The following ARHGEF17 variants were observed in gnomAD, a reference collection of about 807,000 sequenced individuals.
ARHGEF17 encodes the protein Rho guanine nucleotide exchange factor 17.
In ARHGEF17, 80 loss-of-function variants were observed where a neutral mutation model predicts 174.0. The observed-to-expected ratio is 0.46, with a 90% confidence interval of 0.38 to 0.55. ARHGEF17 has a LOEUF of 0.55. ARHGEF17 is among the 20% of genes least tolerant of loss of function. The pLI is 0.00. For missense variants in ARHGEF17, 2,886 were observed against 2,839.7 expected, an observed-to-expected ratio of 1.02 and a Z score of -0.37; for synonymous variants, 1,311 against 1,189.1, an observed-to-expected ratio of 1.10 and a Z score of -2.11.
chr11:73,335,595 C>T (rs1175836743), intron 1 of ARHGEF17, among the ~76,000 whole-genome samples: 3 of 152,114 alleles, frequency 2.0e-5, no homozygotes, highest in African/African-American at 7.2e-5. Flanking sequence ...TAAATTCAAA[C>T]CACATGCACC....
chr11:73,312,826 C>T (rs1461499864), intron 1 of ARHGEF17, among the ~76,000 whole-genome samples: 2 of 152,066 alleles, frequency 1.3e-5, no homozygotes, highest in South Asian at 4.1e-4. Flanking sequence ...TTCTGCCAGA[C>T]CCCCAGCCCT....
In ARHGEF17 at chr11:73,362,500, G is replaced by C. The variant is rs1163126067; in HGVS notation, c.4762G>C (p.Val1588Leu). 1.9e-6 allele frequency: 3 copies of C among 1,601,858 alleles called. No individual in the cohort carries two copies. The highest frequency in any genetic ancestry group is 2.5e-6 in the Non-Finnish European group (3 of 1,176,826). Residue 1588 changes from valine to leucine, a missense_variant, in exon 14 of 21, where the codon GTC becomes CTC. Val to Leu is a conservative substitution (Grantham distance 32, BLOSUM62 1). Around this residue, in one of 4 missense-constraint regions of ARHGEF17, gnomAD observed 476 missense variants for 473.1 expected, o/e 1.01. Coordinates refer to ENST00000263674, the MANE Select transcript of ARHGEF17 (RefSeq NM_014786.4). ...APEPAGPELD[V>L]EAAADEEAAT... ...GGAGCCCGCCGGGCCGGAGCTGGAC[G>C]TCGAGGCCGCTGCAGACGAGGAAGC...
rs986055323 is a variant in ARHGEF17, at chr11:73,355,768, A to C, written c.3571-93A>C. 3.8e-6 allele frequency: 6 copies of C among 1,574,862 alleles called. No homozygotes were observed. The East Asian group carries it at 6.7e-5, about 18-fold the overall frequency. On this transcript the variant is annotated intron_variant, in intron 4 of 20. Coordinates refer to ENST00000263674, the MANE Select transcript of ARHGEF17 (RefSeq NM_014786.4). ...AGCCAGTGGGCCAGCCTCCGCTCTCAGGCTGAGCTGGAGAGGCTTGCTGGG... is the reference window on the plus strand; with the variant it reads ...AGCCAGTGGGCCAGCCTCCGCTCTCCGGCTGAGCTGGAGAGGCTTGCTGGG...
In ARHGEF17 at chr11:73,356,229, G is replaced by A; in HGVS notation, c.3718G>A (p.Ala1240Thr). Residue 1240 changes from alanine (A) to threonine (T), a missense_variant, in exon 6 of 21, where the codon GCG (alanine) becomes ACG (threonine). Physicochemically the swap from Ala to Thr is moderately conservative, Grantham distance 58. Coordinates refer to ENST00000263674, the MANE Select transcript of ARHGEF17 (RefSeq NM_014786.4). ...CCCGGACCATCCACTCCTGCTGGAG[G>A]CGCAGCGGAACATCAAGCAGGTGGC... ...DHPDHPLLLE[A>T]QRNIKQVAER... 1.2e-6 allele frequency: 2 copies of A among 1,613,970 alleles called. No homozygotes were observed. Among genetic ancestry groups the A allele is most frequent in the Non-Finnish European group, 1.7e-6 (2 of 1,180,034 alleles).
chr11:73,360,220 A>T, intron 10 of ARHGEF17, 100 bp from the exon 11 acceptor site: 1 of 1,322,902 alleles, frequency 7.6e-7, no homozygotes, highest in Non-Finnish European at 1.1e-6. Context: ...AGACAGTCTC[A>T]CTTGCTGTCT....
rs1417924760 is a variant in ARHGEF17, at chr11:73,310,700, A to G, written c.2062A>G (p.Ser688Gly). The change falls in exon 1 of 21, where the codon AGT (serine) becomes GGT (glycine). Residue 688 changes from serine to glycine, a missense_variant. By Grantham distance (56) the Ser-to-Gly change is moderately conservative (BLOSUM62 0). Transcript: ENST00000263674. ...TNHHGPGTEDSLGGWALVSPE... is the reference protein window; with the variant it reads ...TNHHGPGTEDGLGGWALVSPE... Reference sequence around the variant, plus strand: ...CCACCATGGCCCTGGGACTGAGGACAGTCTGGGCGGGTGGGCCCTGGTGTC... The same window carrying G: ...CCACCATGGCCCTGGGACTGAGGACGGTCTGGGCGGGTGGGCCCTGGTGTC... 1.2e-6 allele frequency: 2 copies of G among 1,613,428 alleles called. No individual in the cohort carries two copies. The highest frequency in any genetic ancestry group is 1.3e-5 in the African/African-American group (1 of 74,924).
intron 1 of ARHGEF17, among the ~76,000 whole-genome samples, chr11:73,338,850 C>T (rs1015442784): frequency 2.0e-5 from 3 of 151,910 alleles, no homozygotes; most frequent in African/African-American, 7.3e-5. Context: ...CCTCAGTTTC[C>T]TAGTTTGTAA....
rs1040232407 is a variant in ARHGEF17, at chr11:73,309,218, G to A, written c.580G>A (p.Glu194Lys). ...GCGGCCCCTGACCGGGCCGGAGACC[G>A]AAGGGAGGCTGCGCCGGCCGCAGCA... ...SARPLTGPETEGRLRRPQQQQ... is the reference protein window; with the variant it reads ...SARPLTGPETKGRLRRPQQQQ... The change falls in exon 1 of 21, where the codon GAA becomes AAA. Residue 194 changes from glutamate (E) to lysine (K), a missense_variant. Glu to Lys is a moderately conservative substitution (Grantham distance 56). Transcript: ENST00000263674. 5 of 1,599,990 alleles carry A rather than the reference G, an allele frequency of 3.1e-6. No individual in the cohort carries two copies. Among genetic ancestry groups the A allele is most frequent in the African/African-American group, 2.7e-5 (2 of 73,972 alleles).
intron 3 of ARHGEF17, among the ~76,000 whole-genome samples, chr11:73,355,077 C>T (rs958281651): frequency 3.3e-5 from 5 of 152,266 alleles, no homozygotes; most frequent in South Asian, 2.1e-4. Flanking sequence ...AGCCCTGAGG[C>T]GGGGCGAGAT....
In ARHGEF17 at chr11:73,309,239, C is replaced by T. The variant is rs1014593171; in HGVS notation, c.601C>T (p.Gln201Ter). ...PETEGRLRRP[Q>*]QQQERAQRPA... ...GACCGAAGGGAGGCTGCGCCGGCCGCAGCAGCAACAGGAGCGGGCGCAGCG... is the reference window on the plus strand; with the variant it reads ...GACCGAAGGGAGGCTGCGCCGGCCGTAGCAGCAACAGGAGCGGGCGCAGCG... Residue 201 changes from glutamine to a stop codon, truncating the protein, a stop_gained, in exon 1 of 21, where the codon CAG becomes TAG. Coordinates refer to ENST00000263674, the MANE Select transcript of ARHGEF17 (RefSeq NM_014786.4). LOFTEE classifies it high-confidence loss of function. The T allele has an allele frequency of 6.9e-6, 11 of 1,604,568 alleles. No homozygotes were observed. Among genetic ancestry groups the T allele is most frequent in the Non-Finnish European group, 9.4e-6 (11 of 1,175,792 alleles).
rs144162252 is a variant in ARHGEF17, at chr11:73,357,311, C to T, written c.4071C>T (p.Asp1357=). Residue 1357 remains aspartate (D), a synonymous_variant, in exon 9 of 21, where the codon GAC becomes GAT. Coordinates refer to ENST00000263674, the MANE Select transcript of ARHGEF17 (RefSeq NM_014786.4). ...YKMLWKLPLE[D]ADIIKGASQA... ...TGCTGTGGAAGCTGCCGCTGGAAGACGCAGACATCATCAAAGGTGGGTTTG... is the reference window on the plus strand; with the variant it reads ...TGCTGTGGAAGCTGCCGCTGGAAGATGCAGACATCATCAAAGGTGGGTTTG... 30 of 1,613,834 alleles carry T rather than the reference C, an allele frequency of 1.9e-5. No individual in the cohort carries two copies. The highest frequency in any genetic ancestry group is 1.7e-4 in the Admixed American group (10 of 59,962).
intron 9 of ARHGEF17, among the ~76,000 whole-genome samples, chr11:73,358,798 G>GGGTTC (rs1865689436): frequency 6.6e-6 from 1 of 152,070 alleles, no homozygotes; most frequent in Non-Finnish European, 1.5e-5. Flanking sequence ...CTCAGGATTC[G>GGGTTC]ATTTCAACCT....
intron 1 of ARHGEF17, among the ~76,000 whole-genome samples, chr11:73,345,657 A>G (rs1865448526): frequency 6.6e-6 from 1 of 152,184 alleles, no homozygotes; most frequent in Admixed American, 6.5e-5. Flanking sequence ...GATGCCACAG[A>G]CATGGACACC....
chr11:73,316,151 G>A (rs1864926027), intron 1 of ARHGEF17, among the ~76,000 whole-genome samples: 1 of 152,240 alleles, frequency 6.6e-6, no homozygotes, highest in Admixed American at 6.5e-5. Flanking sequence ...TGAGCAAGAG[G>A]GAGAGGCTCT....
intron 1 of ARHGEF17, among the ~76,000 whole-genome samples, chr11:73,316,999 T>C (rs1321739691): frequency 1.3e-5 from 2 of 152,144 alleles, no homozygotes; most frequent in Non-Finnish European, 2.9e-5. Flanking sequence ...TGGACCCCAA[T>C]GTTCAAGGTG....
chr11:73,325,541 T>TAC (rs769446769), intron 1 of ARHGEF17, among the ~76,000 whole-genome samples: 41 of 152,238 alleles, frequency 2.7e-4, no homozygotes, highest in Non-Finnish European at 5.1e-4. Flanking sequence ...ATAGGCATTG[T>TAC]ACACACACAC....
chr11:73,338,530 G>A (rs527867145), intron 1 of ARHGEF17, among the ~76,000 whole-genome samples: 1 of 152,278 alleles, frequency 6.6e-6, no homozygotes, highest in African/African-American at 2.4e-5. Context: ...TGGGCCATTC[G>A]CCAGGGCCGA....
intron 12 of ARHGEF17, among the ~76,000 whole-genome samples, chr11:73,361,590 G>A (rs546863705): frequency 6.6e-6 from 1 of 152,134 alleles, no homozygotes; most frequent in Non-Finnish European, 1.5e-5. Flanking sequence ...GGCAAGGTGC[G>A]GTGGCTTACG....
intron 3 of ARHGEF17, 39 bp downstream of exon 3, chr11:73,353,051 G>T: frequency 6.2e-7 from 1 of 1,609,052 alleles, no homozygotes. Context: ...ACAAGCACAG[G>T]CCCTCCTGGA....
Sources: allele counts gnomAD v4.1 joint callset (sites outside exome capture counted in the v4.1 genomes callset), GRCh38; gene constraint gnomAD v4.1.1; regional missense constraint gnomAD v4.1.1; transcripts MANE v1.5; gene names NCBI Gene and HGNC (gene_info 2026-07-23, HGNC 2026-07-21).